ROR1: variants seen among roughly 807,000 people sequenced by gnomAD.
ROR1 encodes the protein ROR family WNT receptor 1.
ROR1 carries 19 observed loss-of-function variants against 78.8 expected under a neutral mutation model. The ratio of observed to expected loss-of-function variants is 0.24; its 90% CI spans 0.17 to 0.35. ROR1 has a LOEUF of 0.35. Ranked by LOEUF, ROR1 falls within the 10% of genes least tolerant of loss-of-function variation. The probability of loss-of-function intolerance (pLI) is 1.00; values close to 1 mark genes in which losing one functional copy is unlikely to be tolerated. For synonymous variants in ROR1, 386 were observed against 433.6 expected (o/e 0.89, Z 1.36); for missense variants, 917 against 1,177.8 (o/e 0.78, Z 3.24).
chr1:63,785,682 C>T (rs1048159467), intron 1 of ROR1, among the ~76,000 whole-genome samples: 73 of 151,962 alleles, frequency 4.8e-4, no homozygotes, highest in African/African-American at 1.3e-3. Context: ...CCTGCCACCA[C>T]GCCCGGCTAA....
intron 4 of ROR1, among the ~76,000 whole-genome samples, chr1:64,089,048 A>T (rs2100641465): frequency 6.6e-6 from 1 of 152,166 alleles, no homozygotes; most frequent in African/African-American, 2.4e-5. Flanking sequence ...ATTAAATATT[A>T]TTATAATACT....
chr1:64,050,567 A>G, intron 3 of ROR1, 119 bp from the exon 4 acceptor site: 1 of 987,454 alleles, frequency 1.0e-6, no homozygotes, highest in Non-Finnish European at 1.6e-6. Context: ...AATTCCAGAA[A>G]AATAAATACT....
chr1:63,909,879 G>C (rs1248495488), intron 1 of ROR1, among the ~76,000 whole-genome samples: 1 of 152,134 alleles, frequency 6.6e-6, no homozygotes, highest in African/African-American at 2.4e-5. Flanking sequence ...AATCTTTTGA[G>C]TTGTTTGGCG....
intron 1 of ROR1, among the ~76,000 whole-genome samples, chr1:63,910,309 G>T (rs985110402): frequency 2.2e-4 from 34 of 152,238 alleles, no homozygotes; most frequent in African/African-American, 7.9e-4. Context: ...ACAAATTACT[G>T]ACCAAGACAA....
intron 1 of ROR1, among the ~76,000 whole-genome samples, chr1:63,970,729 C>T (rs2100496768): frequency 6.6e-6 from 1 of 152,360 alleles, no homozygotes; most frequent in South Asian, 2.1e-4. Context: ...CTTCTAACTA[C>T]TTTACATGAA....
At chr1:63,806,021 A>C (rs1313312143) in intron 1 of ROR1, among the ~76,000 whole-genome samples, 3 of 152,242 alleles carry the variant, frequency 2.0e-5, no homozygotes, top group African/African-American at 7.2e-5. Context: ...GCTGTCTCAA[A>C]AAATAAATAA....
At chr1:63,876,645 G>GGTGTGTGTGTGT (rs367954652) in intron 1 of ROR1, among the ~76,000 whole-genome samples, 3 of 130,662 alleles carry the variant, frequency 2.3e-5, no homozygotes, top group South Asian at 5.0e-4. Context: ...CCACGAAAGG[G>GGTGTGTGTGTGT]GTGTGTGTGT....
intron 4 of ROR1, among the ~76,000 whole-genome samples, chr1:64,061,121 C>G (rs1191088671): frequency 1.3e-5 from 2 of 152,206 alleles, no homozygotes; most frequent in African/African-American, 4.8e-5. Flanking sequence ...AGCACAGCAG[C>G]TAGCACATAG....
chr1:63,964,579 G>C (rs1231845150), intron 1 of ROR1, among the ~76,000 whole-genome samples: 1 of 152,196 alleles, frequency 6.6e-6, no homozygotes, highest in Non-Finnish European at 1.5e-5. Context: ...CCCACTCGGA[G>C]CTTACAGTTG....
intron 1 of ROR1, among the ~76,000 whole-genome samples, chr1:63,822,484 T>C (rs1484778406): frequency 6.6e-6 from 1 of 152,110 alleles, no homozygotes; most frequent in Non-Finnish European, 1.5e-5. Flanking sequence ...TTGTAGAAAA[T>C]GAGAAAAGAG....
At chr1:64,078,016 T>G (rs1569696673) in intron 4 of ROR1, among the ~76,000 whole-genome samples, 1 of 152,192 alleles carries the variant, frequency 6.6e-6, no homozygotes, top group African/African-American at 2.4e-5. Flanking sequence ...TGTCACCTGC[T>G]AAGACAAATA....
intron 1 of ROR1, among the ~76,000 whole-genome samples, chr1:63,992,277 G>T (rs1424353793): frequency 6.6e-6 from 1 of 151,644 alleles, no homozygotes; most frequent in African/African-American, 2.4e-5. Flanking sequence ...GTGCAATCTC[G>T]GCTCACTGCA....
At chr1:64,141,710 A>C (rs1398682131) in intron 6 of ROR1, among the ~76,000 whole-genome samples, 1 of 152,196 alleles carries the variant, frequency 6.6e-6, no homozygotes, top group Admixed American at 6.5e-5. Flanking sequence ...TTGATCGTTA[A>C]TACTATTTTG....
At position 63,860,125 on chromosome 1, in the gene ROR1, C is replaced by A. The variant is rs183834037; in HGVS notation, c.91+85617C>A. ...TGTCCAGACATGTTACGATTCCTGG[C>A]ACACAGGATCAGAGCAAATAGTAGC... is the stretch of plus-strand genomic sequence containing the variant. On this transcript the variant is annotated intron_variant, in intron 1 of 8. Transcript: ENST00000371079. Among the ~76,000 whole-genome samples the A allele has an allele frequency of 4.6e-5, 7 of 152,266 alleles. 1 individual carries two copies. Among genetic ancestry groups the A allele is most frequent in the African/African-American group, 1.7e-4 (7 of 41,554 alleles).
chr1:64,112,927 C>T (rs1648167714), intron 4 of ROR1, among the ~76,000 whole-genome samples: 1 of 152,200 alleles, frequency 6.6e-6, no homozygotes, highest in African/African-American at 2.4e-5. Flanking sequence ...CCCTATTTCA[C>T]CTCTCCACAT....
chr1:64,074,094 T>A (rs927924427), intron 4 of ROR1, among the ~76,000 whole-genome samples: 1 of 152,176 alleles, frequency 6.6e-6, no homozygotes, highest in Admixed American at 6.5e-5. Flanking sequence ...TTTATTCTTC[T>A]TTTTACAAGA....
intron 2 of ROR1, among the ~76,000 whole-genome samples, chr1:64,047,765 A>G (rs1291033175): frequency 6.6e-6 from 1 of 152,212 alleles, no homozygotes; most frequent in Admixed American, 6.5e-5. Flanking sequence ...TGGATTGAGT[A>G]TAGATGTATA....
intron 7 of ROR1, among the ~76,000 whole-genome samples, chr1:64,156,511 A>G (rs552193795): frequency 1.3e-5 from 2 of 152,250 alleles, no homozygotes; most frequent in South Asian, 2.1e-4. Context: ...GATCGAGACC[A>G]TCCTGGCCAA....
chr1:63,788,910 A>G (rs1004262922), intron 1 of ROR1: 10 of 875,054 alleles, frequency 1.1e-5, no homozygotes, highest in Non-Finnish European at 1.8e-5. Context: ...CTTGTTTTTG[A>G]ACACGTTCCC....
Sources: gnomAD v4.1 joint callset for allele counts (sites outside exome capture counted in the v4.1 genomes callset) on GRCh38, gnomAD v4.1.1 for gene constraint, MANE v1.5 for transcripts, NCBI Gene and HGNC (gene_info 2026-07-23, HGNC 2026-07-21) for gene names.